The following CTNND2 variants were observed in gnomAD, a reference collection of about 807,000 sequenced individuals.
CTNND2 encodes catenin delta 2.
Under a neutral mutation model 144.4 loss-of-function variants are expected in CTNND2, and 22 were observed. That is an observed-to-expected ratio of 0.15 (90% CI 0.11 to 0.22). CTNND2 has a LOEUF of 0.22. Among genes scored for constraint, CTNND2 ranks in the 10% least tolerant of loss-of-function variants. The probability of loss-of-function intolerance (pLI) is 1.00; values close to 1 mark genes in which losing one functional copy is unlikely to be tolerated. For missense variants in CTNND2, 1,353 were observed against 1,618.8 expected, an observed-to-expected ratio of 0.84 and a Z score of 2.82; for synonymous variants, 751 against 695.6, an observed-to-expected ratio of 1.08 and a Z score of -1.25.
intron 16 of CTNND2, among the ~76,000 whole-genome samples, chr5:11,075,500 T>C (rs1233623780): frequency 1.3e-5 from 2 of 152,210 alleles, no homozygotes; most frequent in Non-Finnish European, 2.9e-5. Context: ...CAAAGGATGA[T>C]GGCAAACTGG....
At chr5:11,642,568 T>C (rs1197341453) in intron 2 of CTNND2, among the ~76,000 whole-genome samples, 1 of 151,818 alleles carries the variant, frequency 6.6e-6, no homozygotes, top group Non-Finnish European at 1.5e-5. Flanking sequence ...AGCAGTGGAG[T>C]TGGTCAAAGT....
At chr5:11,319,248 C>G (rs1751801554) in intron 9 of CTNND2, among the ~76,000 whole-genome samples, 1 of 152,080 alleles carries the variant, frequency 6.6e-6, no homozygotes, top group South Asian at 2.1e-4. Flanking sequence ...TTCAACAGAA[C>G]AGAAACTGTG....
intron 9 of CTNND2, among the ~76,000 whole-genome samples, chr5:11,336,460 G>A (rs1330408506): frequency 3.3e-5 from 5 of 152,198 alleles, no homozygotes; most frequent in Admixed American, 1.3e-4. Flanking sequence ...AACAAGTCTT[G>A]TGTCTAAGTC....
intron 16 of CTNND2, among the ~76,000 whole-genome samples, chr5:11,042,952 A>G (rs1446556462): frequency 6.6e-6 from 1 of 152,180 alleles, no homozygotes; most frequent in East Asian, 1.9e-4. Flanking sequence ...TAGATGCAAG[A>G]TAGTTTAGAT....
At chr5:11,328,453 CTT>C (rs963628418) in intron 9 of CTNND2, among the ~76,000 whole-genome samples, 2 of 150,946 alleles carry the variant, frequency 1.3e-5, no homozygotes, top group East Asian at 3.9e-4. Context: ...GTCACCAGAC[CTT>C]TTTTTTTGTT....
intron 9 of CTNND2, among the ~76,000 whole-genome samples, chr5:11,332,225 A>G (rs1426422902): frequency 6.7e-6 from 1 of 150,298 alleles, no homozygotes; most frequent in Non-Finnish European, 1.5e-5. Flanking sequence ...CGGTGAGTGG[A>G]GATCGCGCCA....
chr5:11,607,616 C>T (rs1780115159), intron 2 of CTNND2, among the ~76,000 whole-genome samples: 3 of 152,252 alleles, frequency 2.0e-5, no homozygotes, highest in Middle Eastern at 3.4e-3. Context: ...AATATTAATC[C>T]TCCATTCAAA....
At chr5:11,047,705 C>A (rs1745411426) in intron 16 of CTNND2, among the ~76,000 whole-genome samples, 2 of 152,146 alleles carry the variant, frequency 1.3e-5, no homozygotes, top group Admixed American at 1.3e-4. Flanking sequence ...GCTGGGGGCA[C>A]AAGACTGTGA....
At chr5:11,640,424 G>A (rs578093343) in intron 2 of CTNND2, among the ~76,000 whole-genome samples, 2 of 152,306 alleles carry the variant, frequency 1.3e-5, no homozygotes, top group African/African-American at 4.8e-5. Context: ...AATTCCCTAA[G>A]GTTGCCACAC....
rs1056224862 is a variant in CTNND2 at position 11,033,657 on chromosome 5, T to C, written c.2789-10678A>G. ...CAGCTTGGCCAACATGGTGAAACCC[T>C]GTCTCTACTAAAAATAAAAAAAATT... On this transcript the variant is annotated intron_variant, in intron 16 of 21. Transcript: ENST00000304623. 3.7e-4 allele frequency among the ~76,000 whole-genome samples: 57 copies of C among 152,142 alleles called. 1 individual carries two copies. Among genetic ancestry groups the C allele is most frequent in the South Asian group, 2.1e-4 (1 of 4,824 alleles).
At chr5:11,604,391 G>A (rs550507424) in intron 2 of CTNND2, among the ~76,000 whole-genome samples, 4 of 152,296 alleles carry the variant, frequency 2.6e-5, no homozygotes, top group East Asian at 1.9e-4. Context: ...AACATTCACC[G>A]TGGAAAGGAA....
At chr5:11,667,605 T>C (rs1783641913) in intron 2 of CTNND2, among the ~76,000 whole-genome samples, 2 of 152,234 alleles carry the variant, frequency 1.3e-5, no homozygotes, top group Non-Finnish European at 2.9e-5. Context: ...CACTTTTTGA[T>C]GGGGTTGTTT....
At chr5:11,329,287 T>C (rs933579086) in intron 9 of CTNND2, among the ~76,000 whole-genome samples, 20 of 152,150 alleles carry the variant, frequency 1.3e-4, no homozygotes, top group African/African-American at 4.3e-4. Context: ...TCTGAGTAGC[T>C]GGGACTACAG....
chr5:11,889,428 A>C (rs1366447421), intron 1 of CTNND2, among the ~76,000 whole-genome samples: 1 of 152,258 alleles, frequency 6.6e-6, no homozygotes, highest in Non-Finnish European at 1.5e-5. Context: ...ATTCTAAATT[A>C]GTGTTTGAGT....
chr5:11,417,146 A>C (rs1225742437), intron 3 of CTNND2, among the ~76,000 whole-genome samples: 1 of 152,192 alleles, frequency 6.6e-6, no homozygotes, highest in African/African-American at 2.4e-5. Flanking sequence ...ACTTTTGAGA[A>C]AGGTAATATT....
rs16901508 is a variant in CTNND2, at chr5:11,336,948, G to C, written c.1628+9424C>G. Among the ~76,000 whole-genome samples the C allele has an allele frequency of 9.2e-3, 1,403 of 152,172 alleles. 20 individuals carry two copies. The highest frequency in any genetic ancestry group is 0.032 in the African/African-American group (1,337 of 41,514). On this transcript the variant is annotated intron_variant, in intron 9 of 21. Coordinates refer to ENST00000304623, the MANE Select transcript of CTNND2 (RefSeq NM_001332.4). ...GTCCCTGAGGAATGATTGACCCAGTGAGCCAATTTTGTCACCTGAATTTTT... is the reference window on the plus strand; with the variant it reads ...GTCCCTGAGGAATGATTGACCCAGTCAGCCAATTTTGTCACCTGAATTTTT...
chr5:11,714,597 C>T (rs900977157), intron 2 of CTNND2, among the ~76,000 whole-genome samples: 1 of 151,992 alleles, frequency 6.6e-6, no homozygotes, highest in Non-Finnish European at 1.5e-5. Context: ...TACAATCTTC[C>T]TCATATGTAA....
chr5:11,458,580 C>T (rs542099083), intron 3 of CTNND2, among the ~76,000 whole-genome samples: 5 of 152,250 alleles, frequency 3.3e-5, no homozygotes, highest in Admixed American at 6.5e-5. Context: ...CCAGGAAGAG[C>T]GCAAATCCTG....
intron 9 of CTNND2, among the ~76,000 whole-genome samples, chr5:11,255,029 G>T (rs574692460): frequency 6.6e-6 from 1 of 152,168 alleles, no homozygotes; most frequent in South Asian, 2.1e-4. Context: ...TACAGGTTTA[G>T]GGATGCATTT....
Sources: gnomAD v4.1 joint callset for allele counts (sites outside exome capture counted in the v4.1 genomes callset) on GRCh38, gnomAD v4.1.1 for gene constraint, MANE v1.5 for transcripts, NCBI Gene and HGNC (gene_info 2026-07-23, HGNC 2026-07-21) for gene names.